PENK: variants seen among roughly 807,000 people sequenced by gnomAD.
The protein encoded by PENK is proenkephalin-A.
A neutral mutation model predicts 24.1 loss-of-function variants in PENK; 25 were observed. That is an observed-to-expected ratio of 1.04 (90% confidence interval 0.76 to 1.45). The LOEUF is 1.45. Ranked by LOEUF, PENK falls within the 40% of genes most tolerant of loss-of-function variation. The pLI, the probability that PENK is intolerant of heterozygous loss-of-function variation, is 0.00. For synonymous variants in PENK, 135 were observed against 130.3 expected (o/e 1.04, Z -0.24); for missense variants, 353 against 337.9 (o/e 1.04, Z -0.35).
Position 56,440,957 on chromosome 8 carries a change from T to C in PENK, c.*315A>G, listed in dbSNP as rs1804538410. 2 of 222,622 alleles carry C rather than the reference T, an allele frequency of 9.0e-6. No individual in the cohort carries two copies. Among genetic ancestry groups the C allele is most frequent in the Non-Finnish European group, 1.8e-5 (2 of 113,406 alleles). The allele number at this position is 222,622 out of a possible 1,614,324, so 13.8% of individuals were successfully genotyped here. ...GAAAAAGAGACTTACAAGGATATTA[T>C]GCACTTGGGGTAATAGGTTTATTAT... On this transcript the variant is annotated 3_prime_UTR_variant, in exon 4 of 4. Coordinates refer to ENST00000451791, the MANE Select transcript of PENK (RefSeq NM_001135690.3).
At chr8:56,446,363 A>G in intron 2 of PENK, 63 bp downstream of exon 2, 1 of 209,958 alleles carries the variant, frequency 4.8e-6, no homozygotes, top group Admixed American at 5.3e-5. Flanking sequence ...GTGAAGGGAA[A>G]GAGGGCGGGC....
In PENK at chr8:56,441,285, A is replaced by C; in HGVS notation, c.791T>G (p.Phe264Cys). The C allele has an allele frequency of 6.2e-7, 1 of 1,600,568 alleles. No homozygotes were observed. The highest frequency in any genetic ancestry group is 8.5e-7 in the Non-Finnish European group (1 of 1,172,874). Reference sequence around the variant, plus strand: ...TGGGAAAAGATATTAAAATCTCATAAATCCTCCGTATCTTTTTTCCATTTC... The same window carrying C: ...TGGGAAAAGATATTAAAATCTCATACATCCTCCGTATCTTTTTTCCATTTC... ...VPEMEKRYGG[F>C]MRF is the part of the protein sequence containing the mutation. Residue 264 changes from phenylalanine (F) to cysteine (C), a missense_variant, in exon 4 of 4, where the codon TTT becomes TGT. Physicochemically the swap from Phe to Cys is radical, Grantham distance 205. Transcript: ENST00000451791.
Position 56,441,064 on chromosome 8 carries a change from G to C in PENK, c.*208C>G, listed in dbSNP as rs1804540209. ...AAAAACTATTTTAGCATGAAAACGAGATAGCTGCAATAGACTAATACTGAG... is the reference window on the plus strand; with the variant it reads ...AAAAACTATTTTAGCATGAAAACGACATAGCTGCAATAGACTAATACTGAG... On this transcript the variant is annotated 3_prime_UTR_variant, in exon 4 of 4. Coordinates refer to ENST00000451791, the MANE Select transcript of PENK (RefSeq NM_001135690.3). 2.1e-6 allele frequency: 1 copy of C among 475,464 alleles called. No homozygotes were observed. Among genetic ancestry groups the C allele is most frequent in the Non-Finnish European group, 3.7e-6 (1 of 268,588 alleles). The allele number at this position is 475,464 out of a possible 1,614,324, so 29.5% of individuals were successfully genotyped here.
Position 56,446,023 on chromosome 8 carries a change from C to A in PENK, c.-3-67G>T, listed in dbSNP as rs1291998344. ...GCAGAACGGGGTCCCTCGGCAGGAC[C>A]CTCGCCGCGACAGCCTCAGCAGGGG... On this transcript the variant is annotated intron_variant, in intron 2 of 3. Transcript: ENST00000451791. 4 of 1,480,638 alleles carry A rather than the reference C, an allele frequency of 2.7e-6. No individual in the cohort carries two copies. In the African/African-American group the frequency reaches 4.2e-5, roughly 16 times the overall value. The allele number at this position is 1,480,638 out of a possible 1,614,324, so 91.7% of individuals were successfully genotyped here.
In PENK at chr8:56,441,692, T is replaced by A; in HGVS notation, c.384A>T (p.Gly128=). The change falls in exon 4 of 4, where the codon GGA becomes GGT. Residue 128 remains glycine, a synonymous_variant. Coordinates refer to ENST00000451791, the MANE Select transcript of PENK (RefSeq NM_001135690.3). ...CATACCGCTTGGCGAGGATCTCACT[T>A]CCATTGGCCTCTTCTTCTGGCTCCA... The part of the protein sequence containing the change: ...YPMEPEEEAN[G]SEILAKRYGG... 6.2e-7 allele frequency: 1 copy of A among 1,613,998 alleles called. No individual in the cohort carries two copies. Among genetic ancestry groups the A allele is most frequent in the Non-Finnish European group, 8.5e-7 (1 of 1,179,986 alleles).
Position 56,441,488 on chromosome 8 carries a change from G to A in PENK, c.588C>T (p.Ser196=), listed in dbSNP as rs140291841. 6.2e-7 allele frequency: 1 copy of A among 1,612,842 alleles called. No individual in the cohort carries two copies. Among genetic ancestry groups the A allele is most frequent in the South Asian group, 1.1e-5 (1 of 91,022 alleles). The change falls in exon 4 of 4, where the codon AGC becomes AGT. Residue 196 remains serine (S), a synonymous_variant. Coordinates refer to ENST00000451791, the MANE Select transcript of PENK (RefSeq NM_001135690.3). ...YGGFMRGLKR[S]PQLEDEAKEL... Reference sequence around the variant, plus strand: ...CTTTGGCTTCATCTTCCAGTTGGGGGCTTCTCTTTAAGCCTCTCATGAAGC... The same window carrying A: ...CTTTGGCTTCATCTTCCAGTTGGGGACTTCTCTTTAAGCCTCTCATGAAGC...
chr8:56,443,971 A>C (rs1018972577), intron 3 of PENK: 4 of 702,338 alleles, frequency 5.7e-6, no homozygotes, highest in Non-Finnish European at 1.0e-5. Flanking sequence ...AAAAAGCAGT[A>C]TGGAAAATTC....
intron 3 of PENK, chr8:56,444,143 T>C (rs1158653019): frequency 1.9e-6 from 1 of 515,732 alleles, no homozygotes; most frequent in Non-Finnish European, 3.4e-6. Context: ...AAAAGGAAGA[T>C]TAGTAGCATT....
chr8:56,446,413 C>A lies in PENK; in HGVS notation c.-4+13G>T. On this transcript the variant is annotated intron_variant, in intron 2 of 3. Transcript: ENST00000451791. The stretch of plus-strand genomic sequence containing the variant: ...CCGCTCAGCAAAGACAAGCTTCGGG[C>A]AAATTCACTCACGTTGACGCTGTTC... 5.9e-6 allele frequency: 1 copy of A among 169,826 alleles called. No individual in the cohort carries two copies. The allele number at this position is 169,826 out of a possible 1,614,324, so 10.5% of individuals were successfully genotyped here.
chr8:56,445,688 G>T, intron 3 of PENK, 128 bp downstream of exon 3: 2 of 1,218,556 alleles, frequency 1.6e-6, no homozygotes, highest in Non-Finnish European at 2.4e-6. Context: ...CCACGGGCTC[G>T]CGCCGCTGCG....
rs1804649795 is a variant in PENK, at chr8:56,445,841, A to T, written c.113T>A (p.Val38Glu). The change falls in exon 3 of 4, where the codon GTG becomes GAG. Residue 38 changes from valine to glutamate, a missense_variant. Physicochemically the swap from Val to Glu is moderately radical, Grantham distance 121 (BLOSUM62 -2). Coordinates refer to ENST00000451791, the MANE Select transcript of PENK (RefSeq NM_001135690.3). The part of the protein sequence containing the change: ...QDCATCSYRL[V>E]RPADINFLAC... ...CAGGAAGTTGATGTCGGCCGGGCGC[A>T]CTAGGCGGTAGCTGCACGTCGCGCA... The T allele has an allele frequency of 1.2e-6, 2 of 1,613,378 alleles. No individual in the cohort carries two copies. The highest frequency in any genetic ancestry group is 1.7e-6 in the Non-Finnish European group (2 of 1,179,906).
rs1340912992 is a variant in PENK, at chr8:56,441,033, G to C, written c.*239C>G. ...GATGTTTGTCAAAAATAAGAGACAAGATAACAAAAACTATTTTAGCATGAA... is the reference window on the plus strand; with the variant it reads ...GATGTTTGTCAAAAATAAGAGACAACATAACAAAAACTATTTTAGCATGAA... On this transcript the variant is annotated 3_prime_UTR_variant, in exon 4 of 4. Transcript: ENST00000451791. The C allele has an allele frequency of 5.3e-5, 22 of 413,632 alleles. No homozygotes were observed. In the East Asian group the frequency reaches 7.7e-4, roughly 14 times the overall value. The allele number at this position is 413,632 out of a possible 1,614,324, so 25.6% of individuals were successfully genotyped here. A position where few individuals can be genotyped will look rare whatever the true frequency, so the allele number is the denominator to read the frequency against.
chr8:56,444,031 T>G, intron 3 of PENK: 1 of 701,494 alleles, frequency 1.4e-6, no homozygotes, highest in Non-Finnish European at 2.6e-6. Flanking sequence ...TGTTACATGA[T>G]GAGAAGAGGG....
intron 3 of PENK, chr8:56,444,031 T>C (rs1236355579): frequency 1.4e-6 from 1 of 701,376 alleles, no homozygotes; most frequent in Non-Finnish European, 2.6e-6. Context: ...TGTTACATGA[T>C]GAGAAGAGGG....
intron 3 of PENK, among the ~76,000 whole-genome samples, chr8:56,442,402 A>G (rs961964940): frequency 7.2e-5 from 11 of 152,188 alleles, no homozygotes; most frequent in African/African-American, 2.7e-4. Context: ...ATCAATATTA[A>G]TAACCTAAGG....
intron 3 of PENK, among the ~76,000 whole-genome samples, chr8:56,444,858 C>G (rs1025672890): frequency 4.6e-5 from 7 of 152,122 alleles, no homozygotes; most frequent in Non-Finnish European, 8.8e-5. Context: ...TTTAAGTCAC[C>G]ATAAAATTTC....
chr8:56,445,476 G>A (rs1399363885), intron 3 of PENK: 15 of 556,148 alleles, frequency 2.7e-5, no homozygotes, highest in Admixed American at 1.5e-4. Context: ...CCTTCTGACA[G>A]CCCAGGAGAG....
At chr8:56,444,058 G>C (rs1441982572) in intron 3 of PENK, 1 of 694,374 alleles carries the variant, frequency 1.4e-6, no homozygotes, top group Admixed American at 2.0e-5. Flanking sequence ...AGGGAGAGAA[G>C]TCAAGATTTG....
chr8:56,441,987 T>C, intron 3 of PENK, 50 bp from the exon 4 acceptor site: 2 of 1,484,906 alleles, frequency 1.3e-6, no homozygotes, highest in Non-Finnish European at 1.8e-6. Context: ...TGTGATTTCA[T>C]TAAGCAAATG....
Sources: gnomAD v4.1 joint callset for allele counts (sites outside exome capture counted in the v4.1 genomes callset) on GRCh38, gnomAD v4.1.1 for gene constraint, MANE v1.5 for transcripts, NCBI Gene and HGNC (gene_info 2026-07-23, HGNC 2026-07-21) for gene names.